PHC2: variants seen among roughly 807,000 people sequenced by gnomAD.
PHC2 encodes polyhomeotic homolog 2.
In PHC2, 29 loss-of-function variants were observed where a neutral mutation model predicts 87.4. The ratio of observed to expected loss-of-function variants is 0.33; its 90% CI spans 0.25 to 0.45. The LOEUF (loss-of-function observed/expected upper bound fraction) is 0.45. Ranked by LOEUF, PHC2 falls within the 20% of genes least tolerant of loss-of-function variation. The probability of loss-of-function intolerance (pLI) is 1.00; values close to 1 mark genes in which losing one functional copy is unlikely to be tolerated. For missense variants in PHC2, 857 were observed against 1,136.7 expected, an observed-to-expected ratio of 0.75 and a Z score of 3.54; for synonymous variants, 438 against 461.7, an observed-to-expected ratio of 0.95 and a Z score of 0.66.
chr1:33,363,547 AC>A (rs1467355191), intron 7 of PHC2, among the ~76,000 whole-genome samples: 1 of 152,184 alleles, frequency 6.6e-6, no homozygotes, highest in African/African-American at 2.4e-5. Flanking sequence ...CTGTGTTCAA[AC>A]AAAGCAGCTG....
intron 1 of PHC2, among the ~76,000 whole-genome samples, chr1:33,396,029 T>C (rs1195924897): frequency 1.3e-5 from 2 of 152,194 alleles, no homozygotes; most frequent in Admixed American, 1.3e-4. Context: ...TATTTGAAAT[T>C]AGGACAGTCG....
At position 33,324,835 on chromosome 1, in the gene PHC2, C is replaced by T. The variant is rs372657676; in HGVS notation, c.*30G>A. 7.5e-5 allele frequency: 120 copies of T among 1,595,980 alleles called. No homozygotes were observed. The African/African-American group carries it at 1.4e-3, about 19-fold the overall frequency. The stretch of plus-strand genomic sequence containing the variant: ...GCTCTGCTCAGTCGGGAGGAGGCGC[C>T]CTGGGCCAGAATCCTGGCTGCCACC... On this transcript the variant is annotated 3_prime_UTR_variant, in exon 15 of 15. Coordinates refer to ENST00000683057, the MANE Select transcript of PHC2 (RefSeq NM_001385109.1).
chr1:33,430,649 C>T (rs1650875042), intron 1 of PHC2, among the ~76,000 whole-genome samples: 1 of 151,986 alleles, frequency 6.6e-6, no homozygotes, highest in African/African-American at 2.4e-5. Flanking sequence ...TTCCCGTTCC[C>T]GGCAAGCCTC....
chr1:33,326,031 C>T (rs1057032744), intron 14 of PHC2: 2 of 363,268 alleles, frequency 5.5e-6, no homozygotes, highest in Non-Finnish European at 1.1e-5. Flanking sequence ...AATAAAAGAA[C>T]ATTTTGTAAA....
chr1:33,374,151 C>T (rs1339254442), intron 2 of PHC2, among the ~76,000 whole-genome samples: 4 of 152,118 alleles, frequency 2.6e-5, no homozygotes, highest in African/African-American at 9.7e-5. Context: ...TGAAAGTGAC[C>T]TCCCCAGCAG....
chr1:33,366,150 A>C (rs1186161030), intron 7 of PHC2, among the ~76,000 whole-genome samples: 2 of 152,166 alleles, frequency 1.3e-5, no homozygotes, highest in African/African-American at 4.8e-5. Flanking sequence ...TCAAGAAAAA[A>C]CCCCACAGAT....
rs879330484 is a variant in PHC2 at position 33,382,991 on chromosome 1, C to T, written c.-54-7398G>A. On this transcript the variant is annotated intron_variant, in intron 1 of 14. Transcript: ENST00000683057. The surrounding 1 kb of genome is among the most constrained non-coding windows in gnomAD (Gnocchi z 4.3). Reference sequence around the variant, plus strand: ...GGCAGGAAATGAGAAGTCTCGTCAGCCCCATCGTGGCTGCTGGTATTATCA... The same window carrying T: ...GGCAGGAAATGAGAAGTCTCGTCAGTCCCATCGTGGCTGCTGGTATTATCA... Among the ~76,000 whole-genome samples the T allele has an allele frequency of 2.0e-5, 3 of 152,178 alleles. No individual in the cohort carries two copies. The highest frequency in any genetic ancestry group is 4.4e-5 in the Non-Finnish European group (3 of 68,032).
At chr1:33,387,443 G>A (rs544730310) in intron 1 of PHC2, among the ~76,000 whole-genome samples, 2 of 152,256 alleles carry the variant, frequency 1.3e-5, no homozygotes, top group African/African-American at 4.8e-5. Context: ...GGATAGATGG[G>A]GTGTCTCCCA....
intron 1 of PHC2, among the ~76,000 whole-genome samples, chr1:33,425,313 C>T (rs1442764593): frequency 1.3e-5 from 2 of 152,156 alleles, no homozygotes; most frequent in Middle Eastern, 3.2e-3. Flanking sequence ...CCTTCAACAA[C>T]GATATATGAG....
rs1553186433 is a variant in PHC2, at chr1:33,364,410, A to ACGCACG, written c.976+2705_976+2706insCGTGCG. On this transcript the variant is annotated intron_variant, in intron 7 of 14. Transcript: ENST00000683057. This position sits in a 1 kb window ranked among gnomAD's most constrained non-coding sequence, Gnocchi z 4.1. Reference sequence around the variant, plus strand: ...TGCTTTCACACACACACACACACACACACACACACACACACGCTCAAGCAC... The same window carrying ACGCACG: ...TGCTTTCACACACACACACACACACACGCACGCACACACACACACACGCTCAAGCAC... Among the ~76,000 whole-genome samples, 15 of 150,038 alleles carry ACGCACG rather than the reference A, an allele frequency of 1.0e-4. No individual in the cohort carries two copies. The East Asian group carries it at 1.8e-3, about 18-fold the overall frequency.
At chr1:33,377,500 G>C (rs114370113) in intron 1 of PHC2, among the ~76,000 whole-genome samples, 11 of 152,232 alleles carry the variant, frequency 7.2e-5, no homozygotes, top group African/African-American at 2.6e-4. Flanking sequence ...GAAGGAAAGG[G>C]TGGTGGGAGA....
intron 7 of PHC2, among the ~76,000 whole-genome samples, chr1:33,358,467 T>C (rs1452710513): frequency 3.9e-5 from 6 of 152,162 alleles, no homozygotes; most frequent in Non-Finnish European, 8.8e-5. Flanking sequence ...TTTTTGAGGT[T>C]AATAAAAACA....
intron 1 of PHC2, among the ~76,000 whole-genome samples, chr1:33,410,577 C>CACTT: frequency 6.6e-6 from 1 of 152,308 alleles, no homozygotes; most frequent in African/African-American, 2.4e-5. Context: ...TATCCAGACA[C>CACTT]ACTTACTCAC....
rs1013798471 is a variant in PHC2 at position 33,331,949 on chromosome 1, C to G, written c.1891+326G>C. ...CTCTGCTGTGACCTAGAGCTGGCCCCAGTCTCAAGGCAGGGACGAAGGGCA... is the reference window on the plus strand; with the variant it reads ...CTCTGCTGTGACCTAGAGCTGGCCCGAGTCTCAAGGCAGGGACGAAGGGCA... On this transcript the variant is annotated intron_variant, in intron 11 of 14. Coordinates refer to ENST00000683057, the MANE Select transcript of PHC2 (RefSeq NM_001385109.1). This position sits in a 1 kb window ranked among gnomAD's most constrained non-coding sequence, Gnocchi z 5.2. Among the ~76,000 whole-genome samples the G allele has an allele frequency of 8.5e-5, 13 of 152,234 alleles. No homozygotes were observed. The highest frequency in any genetic ancestry group is 1.2e-4 in the African/African-American group (5 of 41,460).
intron 6 of PHC2, 53 bp from the exon 7 acceptor site, chr1:33,367,481 G>C (rs1360951603): frequency 6.0e-5 from 81 of 1,349,278 alleles, no homozygotes; most frequent in Non-Finnish European, 7.8e-5. Flanking sequence ...AGCAATGCCA[G>C]TATACAACTA....
chr1:33,370,380 C>G, intron 5 of PHC2, 41 bp downstream of exon 5: 1 of 1,586,464 alleles, frequency 6.3e-7, no homozygotes. Context: ...CCTCTGTCCT[C>G]CTGGTGCCTC....
At chr1:33,398,050 G>A (rs879602557) in intron 1 of PHC2, among the ~76,000 whole-genome samples, 11 of 152,114 alleles carry the variant, frequency 7.2e-5, no homozygotes, top group Middle Eastern at 3.2e-3. Context: ...CTAAAAACAA[G>A]ACCCCATCTG....
At chr1:33,423,482 A>T (rs1330579787) in intron 1 of PHC2, among the ~76,000 whole-genome samples, 1 of 152,208 alleles carries the variant, frequency 6.6e-6, no homozygotes, top group African/African-American at 2.4e-5. Flanking sequence ...ACTATATCTA[A>T]AATTAAGATG....
intron 9 of PHC2, 59 bp downstream of exon 9, chr1:33,354,341 AG>A: frequency 6.7e-7 from 1 of 1,484,830 alleles, no homozygotes; most frequent in Non-Finnish European, 9.2e-7. Context: ...GAAATGTGCC[AG>A]GGCATGGCAA....
Sources: gnomAD v4.1 joint callset for allele counts (sites outside exome capture counted in the v4.1 genomes callset) on GRCh38, gnomAD v4.1.1 for gene constraint, Gnocchi (gnomAD v3.1) non-coding constraint, MANE v1.5 for transcripts, NCBI Gene and HGNC (gene_info 2026-07-23, HGNC 2026-07-21) for gene names.